Variants in ADAMTS16 observed in about 807,000 individuals in gnomAD.
ADAMTS16 encodes ADAM metallopeptidase with thrombospondin type 1 motif 16, also known as A disintegrin and metalloproteinase with thrombospondin motifs 16.
ADAMTS16 carries 94 observed loss-of-function variants against 145.8 expected under a neutral mutation model. The observed-to-expected ratio is 0.64, with a 90% CI of 0.55 to 0.77. The LOEUF (loss-of-function observed/expected upper bound fraction) is 0.77, where lower values mean the gene tolerates loss of function less well. ADAMTS16 is among the 30% of genes least tolerant of loss of function. The probability of loss-of-function intolerance (pLI) is 0.00; values close to 1 mark genes in which losing one functional copy is unlikely to be tolerated. For missense variants in ADAMTS16, 1,585 were observed against 1,591.5 expected (o/e 1.00, Z 0.07); for synonymous variants, 659 against 604.3 (o/e 1.09, Z -1.33).
chr5:5,151,526 C>G (rs1734457437), intron 3 of ADAMTS16, among the ~76,000 whole-genome samples: 1 of 152,126 alleles, frequency 6.6e-6, no homozygotes, highest in African/African-American at 2.4e-5. Flanking sequence ...GTGTGAACCA[C>G]TGTACCTGGC....
chr5:5,239,962 TG>T, intron 16 of ADAMTS16, 37 bp downstream of exon 16: 1 of 1,608,988 alleles, frequency 6.2e-7, no homozygotes, highest in Non-Finnish European at 8.5e-7. Context: ...GCTTGGATTT[TG>T]GGGGTGTTCT....
At chr5:5,251,212 C>A (rs1737613313) in intron 17 of ADAMTS16, among the ~76,000 whole-genome samples, 1 of 152,158 alleles carries the variant, frequency 6.6e-6, no homozygotes, top group South Asian at 2.1e-4. Context: ...CTTGGTGCAC[C>A]CATTCGGTCT....
Position 5,191,650 on chromosome 5 carries a change from C to T in ADAMTS16, c.1208-35C>T, listed in dbSNP as rs1272245432. 2.6e-6 allele frequency: 4 copies of T among 1,524,550 alleles called. No individual in the cohort carries two copies. In the African/African-American group the frequency reaches 5.5e-5, roughly 21 times the overall value. The allele number at this position is 1,524,550 out of a possible 1,614,324, so 94.4% of individuals were successfully genotyped here. A position where few individuals can be genotyped will look rare whatever the true frequency, so the allele number is the denominator to read the frequency against. On this transcript the variant is annotated intron_variant, in intron 7 of 22. Transcript: ENST00000274181. The stretch of plus-strand genomic sequence containing the variant: ...TACTATGCTTTATTTTATTACAACA[C>T]CGCTATGTGTTCTTTTGATCTTTGT...
intron 21 of ADAMTS16, among the ~76,000 whole-genome samples, chr5:5,313,510 G>A (rs541070549): frequency 6.6e-6 from 1 of 152,334 alleles, no homozygotes; most frequent in African/African-American, 2.4e-5. Context: ...GCTTGCATGC[G>A]ATCACCTGTT....
intron 18 of ADAMTS16, among the ~76,000 whole-genome samples, chr5:5,277,559 T>C (rs943489085): frequency 6.6e-6 from 1 of 152,228 alleles, no homozygotes; most frequent in Non-Finnish European, 1.5e-5. Context: ...CATGCAAGAA[T>C]TCCTCTCTCA....
chr5:5,200,619 C>A (rs1447660438), intron 9 of ADAMTS16, among the ~76,000 whole-genome samples: 1 of 152,218 alleles, frequency 6.6e-6, no homozygotes, highest in Non-Finnish European at 1.5e-5. Context: ...ATGTACACAT[C>A]TGTATACACA....
chr5:5,191,233 G>A (rs149781386), intron 7 of ADAMTS16, among the ~76,000 whole-genome samples: 47 of 152,274 alleles, frequency 3.1e-4, no homozygotes, highest in African/African-American at 4.6e-4. Flanking sequence ...ACAAATGCTC[G>A]TTATGACAGA....
chr5:5,209,041 C>A, intron 9 of ADAMTS16, 52 bp from the exon 10 acceptor site: 2 of 1,559,690 alleles, frequency 1.3e-6, no homozygotes, highest in Admixed American at 1.9e-5. Flanking sequence ...GTTGTAAGTC[C>A]TTTGGTTACT....
chr5:5,209,473 T>C (rs1013881375), intron 10 of ADAMTS16, among the ~76,000 whole-genome samples: 1 of 152,158 alleles, frequency 6.6e-6, no homozygotes, highest in Non-Finnish European at 1.5e-5. Context: ...ACTTGGCCTG[T>C]TAGGTTGGAT....
intron 11 of ADAMTS16, among the ~76,000 whole-genome samples, chr5:5,228,363 A>G (rs928831895): frequency 6.6e-6 from 1 of 152,236 alleles, no homozygotes; most frequent in Non-Finnish European, 1.5e-5. Flanking sequence ...GGAAGTACTA[A>G]CTGTGCTTAT....
intron 18 of ADAMTS16, among the ~76,000 whole-genome samples, chr5:5,266,576 T>C (rs1738246742): frequency 1.3e-5 from 2 of 152,138 alleles, no homozygotes; most frequent in South Asian, 4.1e-4. Context: ...AATCTGCTTG[T>C]TGGTTGTTTG....
At chr5:5,248,483 C>T (rs1208687534) in intron 17 of ADAMTS16, among the ~76,000 whole-genome samples, 2 of 152,236 alleles carry the variant, frequency 1.3e-5, no homozygotes, top group African/African-American at 2.4e-5. Flanking sequence ...TTATGCCCTT[C>T]CTTTCTCTTA....
intron 12 of ADAMTS16, among the ~76,000 whole-genome samples, chr5:5,233,885 T>C (rs1008182490): frequency 1.3e-5 from 2 of 152,224 alleles, no homozygotes; most frequent in African/African-American, 4.8e-5. Flanking sequence ...GGTCAAATGA[T>C]ATTTCTTTTT....
chr5:5,197,506 G>A (rs146167958), intron 8 of ADAMTS16, among the ~76,000 whole-genome samples: 42 of 152,284 alleles, frequency 2.8e-4, no homozygotes, highest in African/African-American at 6.5e-4. Context: ...GATAAGAGGC[G>A]TCTCTGTCTT....
At chr5:5,239,315 G>T in intron 15 of ADAMTS16, 41 bp downstream of exon 15, 1 of 1,508,488 alleles carries the variant, frequency 6.6e-7, no homozygotes, top group Non-Finnish European at 8.8e-7. Context: ...GGGCAAAGAA[G>T]ATTGTAACTG....
intron 18 of ADAMTS16, among the ~76,000 whole-genome samples, chr5:5,287,550 G>A (rs746418441): frequency 5.3e-5 from 8 of 152,116 alleles, no homozygotes; most frequent in Non-Finnish European, 8.8e-5. Context: ...TTTAGCATGA[G>A]CAAGGTAACC....
At chr5:5,228,942 T>C (rs1015923780) in intron 11 of ADAMTS16, among the ~76,000 whole-genome samples, 1 of 152,244 alleles carries the variant, frequency 6.6e-6, no homozygotes, top group Non-Finnish European at 1.5e-5. Flanking sequence ...TTTTTACCTT[T>C]GTCAGCATTC....
intron 21 of ADAMTS16, among the ~76,000 whole-genome samples, chr5:5,314,951 C>A (rs1733974062): frequency 6.6e-6 from 1 of 152,206 alleles, no homozygotes; most frequent in Non-Finnish European, 1.5e-5. Flanking sequence ...GTGCCTAGAA[C>A]AGTGCCTGGT....
rs201723655 is a variant in ADAMTS16 at position 5,225,401 on chromosome 5, G to A, written c.1701+2517G>A. On this transcript the variant is annotated intron_variant, in intron 11 of 22. Transcript: ENST00000274181. The stretch of plus-strand genomic sequence containing the variant: ...CAGATCACGACGAGGTCAAGAGATC[G>A]AGACCATCCTGGCCAACACGGTGAA... Among the ~76,000 whole-genome samples the A allele has an allele frequency of 1.4e-4, 21 of 152,236 alleles. No homozygotes were observed. The East Asian group carries it at 1.5e-3, about 11-fold the overall frequency.
Sources: allele counts gnomAD v4.1 joint callset (sites outside exome capture counted in the v4.1 genomes callset), GRCh38; gene constraint gnomAD v4.1.1; transcripts MANE v1.5; gene names NCBI Gene and HGNC (gene_info 2026-07-23, HGNC 2026-07-21).